Variants in HTR1F observed in about 807,000 individuals in gnomAD.
The protein encoded by HTR1F is 5-hydroxytryptamine receptor 1F.
A neutral mutation model predicts 24.0 loss-of-function variants in HTR1F; 17 were observed. The ratio of observed to expected loss-of-function variants is 0.71; its 90% CI spans 0.48 to 1.06. HTR1F has a LOEUF of 1.06. HTR1F is among the 50% of genes least tolerant of loss of function. HTR1F has a pLI of 0.00. For missense variants in HTR1F, 391 were observed against 427.8 expected, an observed-to-expected ratio of 0.91 and a Z score of 0.76; for synonymous variants, 186 against 156.8, an observed-to-expected ratio of 1.19 and a Z score of -1.39.
intron 2 of HTR1F, among the ~76,000 whole-genome samples, chr3:87,871,126 C>G (rs886797436): frequency 6.6e-6 from 1 of 151,712 alleles, no homozygotes; most frequent in African/African-American, 2.4e-5. Context: ...TAAAACTCAG[C>G]AAGCTACAAG....
intron 2 of HTR1F, among the ~76,000 whole-genome samples, chr3:87,904,421 G>A (rs995747168): frequency 6.6e-6 from 1 of 152,034 alleles, no homozygotes; most frequent in African/African-American, 2.4e-5. Flanking sequence ...AAGAAAAATA[G>A]AAGAAGGCTC....
chr3:87,931,391 T>C (rs1172500810), intron 2 of HTR1F, among the ~76,000 whole-genome samples: 2 of 152,232 alleles, frequency 1.3e-5, no homozygotes, highest in Non-Finnish European at 2.9e-5. Flanking sequence ...TCATTTCTTA[T>C]GGCTGCATAG....
intron 2 of HTR1F, among the ~76,000 whole-genome samples, chr3:87,860,187 A>C (rs967962164): frequency 1.2e-4 from 18 of 152,234 alleles, no homozygotes; most frequent in African/African-American, 3.9e-4. Context: ...TGGCATATGC[A>C]TTTTTAACGT....
At chr3:87,884,313 C>T (rs1459866585) in intron 2 of HTR1F, among the ~76,000 whole-genome samples, 2 of 151,574 alleles carry the variant, frequency 1.3e-5, no homozygotes, top group Non-Finnish European at 3.0e-5. Context: ...TGTCACCACC[C>T]GATTTTGTCC....
chr3:87,909,627 G>A (rs1014326203), intron 2 of HTR1F, among the ~76,000 whole-genome samples: 7 of 151,864 alleles, frequency 4.6e-5, no homozygotes, highest in African/African-American at 1.7e-4. Flanking sequence ...GCATAAAACA[G>A]AAATAAAAAA....
At chr3:87,886,496 T>G (rs140731177) in intron 2 of HTR1F, among the ~76,000 whole-genome samples, 18,164 of 152,100 alleles carry the variant, frequency 0.12, 1,377 homozygotes, top group African/African-American at 0.21. Context: ...GCCAGGGCAA[T>G]CAGGCAAGAG....
chr3:87,988,693 G>A (rs1474938604), intron 2 of HTR1F, among the ~76,000 whole-genome samples: 3 of 151,714 alleles, frequency 2.0e-5, no homozygotes, highest in Non-Finnish European at 2.9e-5. Context: ...AAGCACCTCC[G>A]AAGTAGCTGG....
At chr3:87,795,841 GA>G (rs1424228657) in intron 1 of HTR1F, among the ~76,000 whole-genome samples, 1 of 152,116 alleles carries the variant, frequency 6.6e-6, no homozygotes. Context: ...TTAGAGCCTA[GA>G]AATGAACAGA....
chr3:87,941,694 A>C (rs966690539), intron 2 of HTR1F, among the ~76,000 whole-genome samples: 1 of 152,134 alleles, frequency 6.6e-6, no homozygotes, highest in African/African-American at 2.4e-5. Context: ...GTAAACAAGA[A>C]TTGAGAGTCA....
chr3:87,834,083 A>G (rs1704635874), intron 2 of HTR1F, among the ~76,000 whole-genome samples: 1 of 152,290 alleles, frequency 6.6e-6, no homozygotes, highest in Non-Finnish European at 1.5e-5. Context: ...GTTGCAAACT[A>G]TCTGATAGTA....
chr3:87,894,460 A>G (rs1706155544), intron 2 of HTR1F, among the ~76,000 whole-genome samples: 1 of 150,694 alleles, frequency 6.6e-6, no homozygotes, highest in African/African-American at 2.4e-5. Flanking sequence ...GTTTCACTAT[A>G]TTAGCCAGGC....
chr3:87,975,522 C>T (rs1358394593), intron 2 of HTR1F, among the ~76,000 whole-genome samples: 3 of 152,026 alleles, frequency 2.0e-5, no homozygotes, highest in African/African-American at 7.2e-5. Flanking sequence ...AATTATGTCC[C>T]GTTCTTCAGT....
chr3:87,931,646 C>T (rs1002553417), intron 2 of HTR1F, among the ~76,000 whole-genome samples: 65 of 152,040 alleles, frequency 4.3e-4, no homozygotes, highest in Non-Finnish European at 6.0e-4. Context: ...AATGGTTGAA[C>T]TAGTTTACAG....
chr3:87,799,932 G>A (rs1703966614), intron 1 of HTR1F, among the ~76,000 whole-genome samples: 1 of 152,114 alleles, frequency 6.6e-6, no homozygotes, highest in South Asian at 2.1e-4. Flanking sequence ...TTCTATCAGA[G>A]AGACTCTCCA....
intron 1 of HTR1F, among the ~76,000 whole-genome samples, chr3:87,815,564 A>G (rs1366355815): frequency 3.3e-5 from 5 of 152,106 alleles, no homozygotes; most frequent in Non-Finnish European, 7.4e-5. Flanking sequence ...TGACATTTTT[A>G]TAGAAGAGGG....
At chr3:87,987,387 T>A (rs1030654434) in intron 2 of HTR1F, among the ~76,000 whole-genome samples, 4 of 151,498 alleles carry the variant, frequency 2.6e-5, no homozygotes, top group African/African-American at 9.7e-5. Context: ...ACTGTGAGGT[T>A]CACTGATACT....
intron 1 of HTR1F, among the ~76,000 whole-genome samples, chr3:87,808,940 T>C (rs1704117547): frequency 6.6e-6 from 1 of 151,838 alleles, no homozygotes; most frequent in South Asian, 2.1e-4. Context: ...TTTCTAGTTT[T>C]ATTGTAGTCT....
chr3:87,933,516 T>C (rs1314295375), intron 2 of HTR1F, among the ~76,000 whole-genome samples: 5 of 152,084 alleles, frequency 3.3e-5, no homozygotes, highest in African/African-American at 1.2e-4. Flanking sequence ...TCTCAGGATA[T>C]AAAATCAATG....
chr3:87,847,465 G>A (rs543594923), intron 2 of HTR1F, among the ~76,000 whole-genome samples: 1 of 151,880 alleles, frequency 6.6e-6, no homozygotes, highest in South Asian at 2.1e-4. Context: ...TACATGCATA[G>A]AATATGTAAT....
Sources: allele counts gnomAD v4.1 joint callset (sites outside exome capture counted in the v4.1 genomes callset), GRCh38; gene constraint gnomAD v4.1.1; transcripts MANE v1.5; gene names NCBI Gene and HGNC (gene_info 2026-07-23, HGNC 2026-07-21).